Variants in PRKCE observed in about 807,000 individuals in gnomAD.
The protein encoded by PRKCE is protein kinase C epsilon, also known as protein kinase C epsilon type.
In PRKCE, 16 loss-of-function variants were observed where a neutral mutation model predicts 85.4. That is an observed-to-expected ratio of 0.19 (90% CI 0.13 to 0.28). The LOEUF is 0.28. Ranked by LOEUF, PRKCE falls within the 10% of genes least tolerant of loss-of-function variation. The pLI is 1.00. For missense variants in PRKCE, 573 were observed against 975.2 expected (o/e 0.59, Z 5.49); for synonymous variants, 388 against 371.5 (o/e 1.04, Z -0.51).
chr2:46,062,760 G>A (rs1181693819), intron 10 of PRKCE, among the ~76,000 whole-genome samples: 1 of 124,204 alleles, frequency 8.1e-6, no homozygotes, highest in Non-Finnish European at 1.6e-5. Flanking sequence ...TGCAACCTCC[G>A]CCTCCGGGGT....
chr2:45,907,009 C>T lies in PRKCE; in HGVS notation c.412+63946C>T, dbSNP rs1284107944. On this transcript the variant is annotated intron_variant, in intron 2 of 14. Transcript: ENST00000306156. This position sits in a 1 kb window ranked among gnomAD's most constrained non-coding sequence, Gnocchi z 4.5. ...GAAATGCAGTGTCTCCCCATAATCC[C>T]CTGCAGGGACCAGGCTGGATGGGGC... Among the ~76,000 whole-genome samples, 1 of 152,174 alleles carries T rather than the reference C, an allele frequency of 6.6e-6. No homozygotes were observed. The highest frequency in any genetic ancestry group is 6.5e-5 in the Admixed American group (1 of 15,276).
In PRKCE at chr2:45,868,319, CAAAAAAAAAA is replaced by C. The variant is rs371501864; in HGVS notation, c.412+25270_412+25279del. Reference sequence around the variant, plus strand: ...AAACACCAAAATCCCCTTTCCTGTCCAAAAAAAAAAAAAAAAAAAAAAACTTTTTAGGGCA... The same window carrying C: ...AAACACCAAAATCCCCTTTCCTGTCCAAAAAAAAAAAAACTTTTTAGGGCA... On this transcript the variant is annotated intron_variant, in intron 2 of 14. Transcript: ENST00000306156. Among the ~76,000 whole-genome samples the C allele has an allele frequency of 3.3e-4, 12 of 35,998 alleles. 1 individual carries two copies. Among genetic ancestry groups the C allele is most frequent in the African/African-American group, 5.4e-4 (5 of 9,260 alleles). The allele number at this position is 35,998 out of a possible 152,430, so 23.6% of individuals were successfully genotyped here.
chr2:45,739,865 A>G (rs1682404918), intron 1 of PRKCE, among the ~76,000 whole-genome samples: 1 of 152,232 alleles, frequency 6.6e-6, no homozygotes, highest in Non-Finnish European at 1.5e-5. Context: ...GAATAAAAAC[A>G]ACAAAAAACC....
At position 46,007,542 on chromosome 2, in the gene PRKCE, C is replaced by G. The variant is rs763892538; in HGVS notation, c.1144C>G (p.Pro382Ala). ...RGEEHRAASS[P>A]DGQLMSPGEN... is the part of the protein sequence containing the mutation. Reference sequence around the variant, plus strand: ...AGAGGAGCACCGGGCAGCATCGTCTCCTGATGGCCAGCTGATGAGCCCCGG... The same window carrying G: ...AGAGGAGCACCGGGCAGCATCGTCTGCTGATGGCCAGCTGATGAGCCCCGG... Residue 382 changes from proline to alanine, a missense_variant, in exon 9 of 15, where the codon CCT becomes GCT. Transcript: ENST00000306156. 1.1e-5 allele frequency: 17 copies of G among 1,599,682 alleles called. No individual in the cohort carries two copies. The highest frequency in any genetic ancestry group is 1.4e-5 in the Non-Finnish European group (17 of 1,179,970).
intron 10 of PRKCE, among the ~76,000 whole-genome samples, chr2:46,040,590 G>C (rs1708160451): frequency 6.6e-6 from 1 of 152,178 alleles, no homozygotes; most frequent in African/African-American, 2.4e-5. Flanking sequence ...ACAGGATGTA[G>C]GGAGAGCCCC....
intron 2 of PRKCE, among the ~76,000 whole-genome samples, chr2:45,923,307 A>G (rs1456942061): frequency 6.6e-6 from 1 of 152,138 alleles, no homozygotes; most frequent in Non-Finnish European, 1.5e-5. Context: ...CAGATAGGAG[A>G]TGGGAGTGTG....
At chr2:45,861,904 G>A (rs764595616) in intron 2 of PRKCE, among the ~76,000 whole-genome samples, 1 of 151,940 alleles carries the variant, frequency 6.6e-6, no homozygotes, top group African/African-American at 2.4e-5. Flanking sequence ...GAAAATAAAT[G>A]GTTAAGTAAA....
chr2:45,675,206 T>A (rs1676374178), intron 1 of PRKCE: 1 of 152,198 alleles, frequency 6.6e-6, no homozygotes, highest in Non-Finnish European at 1.5e-5. Flanking sequence ...ACTCTGTAGA[T>A]GTACATTAAG....
chr2:45,695,104 C>A (rs1424667474), intron 1 of PRKCE, among the ~76,000 whole-genome samples: 1 of 152,168 alleles, frequency 6.6e-6, no homozygotes, highest in Admixed American at 6.5e-5. Context: ...AACTTTCTCC[C>A]AGCAGCTTGG....
chr2:45,953,170 A>C (rs554869758), intron 2 of PRKCE, among the ~76,000 whole-genome samples: 1 of 152,218 alleles, frequency 6.6e-6, no homozygotes, highest in Non-Finnish European at 1.5e-5. Context: ...GGTCCAGGCA[A>C]ATGCATCTGT....
intron 1 of PRKCE, among the ~76,000 whole-genome samples, chr2:45,662,692 CT>C (rs34322525): frequency 0.083 from 12,382 of 149,114 alleles, 1,234 homozygotes; most frequent in African/African-American, 0.24. Context: ...CCAGCTCCTG[CT>C]TTTTTTTTTC....
At chr2:45,858,368 T>G (rs1692850802) in intron 2 of PRKCE, among the ~76,000 whole-genome samples, 1 of 143,208 alleles carries the variant, frequency 7.0e-6, no homozygotes, top group African/African-American at 2.8e-5. Context: ...GTTTTAGAAA[T>G]GATGGGGTTT....
chr2:46,097,501 C>T (rs1431749448), intron 11 of PRKCE, among the ~76,000 whole-genome samples: 3 of 113,622 alleles, frequency 2.6e-5, no homozygotes, highest in Admixed American at 2.6e-4. Flanking sequence ...GCCTGGGAGA[C>T]AGAGCGAGAC....
chr2:46,100,369 C>A lies in PRKCE; in HGVS notation c.1592+14007C>A, dbSNP rs114512841. Reference sequence around the variant, plus strand: ...ATTTACCCAAAGTCCTCCCTCTTAACCAAAACAAATAGCTTTTGGGGGATC... The same window carrying A: ...ATTTACCCAAAGTCCTCCCTCTTAAACAAAACAAATAGCTTTTGGGGGATC... On this transcript the variant is annotated intron_variant, in intron 11 of 14. Transcript: ENST00000306156. Among the ~76,000 whole-genome samples the A allele has an allele frequency of 7.8e-3, 1,192 of 152,300 alleles. 11 individuals are homozygous for A. Among genetic ancestry groups the A allele is most frequent in the Non-Finnish European group, 0.013 (910 of 68,034 alleles).
At chr2:45,693,542 G>A (rs905554096) in intron 1 of PRKCE, among the ~76,000 whole-genome samples, 6 of 152,212 alleles carry the variant, frequency 3.9e-5, no homozygotes, top group Admixed American at 1.3e-4. Context: ...GAGGAAGGTC[G>A]AGAGGAGATG....
chr2:45,759,475 C>G (rs890693504), intron 1 of PRKCE, among the ~76,000 whole-genome samples: 13 of 152,324 alleles, frequency 8.5e-5, no homozygotes, highest in African/African-American at 3.1e-4. Flanking sequence ...TCCCGTGCAT[C>G]TCAGACCTTG....
At chr2:45,734,723 T>G (rs973907043) in intron 1 of PRKCE, among the ~76,000 whole-genome samples, 2 of 151,940 alleles carry the variant, frequency 1.3e-5, no homozygotes, top group Non-Finnish European at 2.9e-5. Context: ...CCTGCAGGCC[T>G]GAAGTACTCA....
At chr2:45,665,810 C>T (rs1164841602) in intron 1 of PRKCE, among the ~76,000 whole-genome samples, 2 of 152,168 alleles carry the variant, frequency 1.3e-5, no homozygotes, top group African/African-American at 4.8e-5. Flanking sequence ...TTTTTCTTTG[C>T]TAAAGCTGGC....
At chr2:45,982,734 T>C (rs999411334) in intron 5 of PRKCE, among the ~76,000 whole-genome samples, 1 of 152,218 alleles carries the variant, frequency 6.6e-6, no homozygotes, top group Admixed American at 6.5e-5. Flanking sequence ...CATGCTCTTG[T>C]GTGGACTCCT....
Sources: allele counts gnomAD v4.1 joint callset (sites outside exome capture counted in the v4.1 genomes callset), GRCh38; gene constraint gnomAD v4.1.1; non-coding constraint Gnocchi (gnomAD v3.1); transcripts MANE v1.5; gene names NCBI Gene and HGNC (gene_info 2026-07-23, HGNC 2026-07-21).